SHISA9: variants seen among roughly 807,000 people sequenced by gnomAD.
The protein encoded by SHISA9 is protein shisa-9.
In SHISA9, 13 loss-of-function variants were observed where a neutral mutation model predicts 38.0. That is an observed-to-expected ratio of 0.34 (90% CI 0.22 to 0.54). The LOEUF (loss-of-function observed/expected upper bound fraction) is 0.54. Among genes scored for constraint, SHISA9 ranks in the 20% least tolerant of loss-of-function variants. SHISA9 has a pLI of 0.91. For synonymous variants in SHISA9, 275 were observed against 242.0 expected, an observed-to-expected ratio of 1.14 and a Z score of -1.27; for missense variants, 538 against 575.8, an observed-to-expected ratio of 0.93 and a Z score of 0.67.
At chr16:13,298,779 G>A in the SHISA9 span, among the ~76,000 whole-genome samples, 1 of 152,208 alleles carries the variant, frequency 6.6e-6, no homozygotes, top group African/African-American at 2.4e-5. Flanking sequence ...TAGGCCCTAA[G>A]GAAGGAGGGC....
the SHISA9 span, among the ~76,000 whole-genome samples, chr16:13,266,697 C>A: frequency 6.6e-6 from 1 of 152,038 alleles, no homozygotes; most frequent in Non-Finnish European, 1.5e-5. Flanking sequence ...CTCTGGGGAC[C>A]CTGCTGGAGG....
chr16:13,263,369 T>G, the SHISA9 span, among the ~76,000 whole-genome samples: 1 of 151,904 alleles, frequency 6.6e-6, no homozygotes, highest in South Asian at 2.1e-4. Flanking sequence ...CGGGGCGGAG[T>G]TCTCATGAAT....
intron 4 of SHISA9, among the ~76,000 whole-genome samples, chr16:13,224,347 G>C (rs2051258288): frequency 6.6e-6 from 1 of 152,152 alleles, no homozygotes; most frequent in African/African-American, 2.4e-5. Flanking sequence ...CAGGAAAATG[G>C]ATCCTAGTTC....
At chr16:13,454,521 G>A in the SHISA9 span, among the ~76,000 whole-genome samples, 2 of 152,156 alleles carry the variant, frequency 1.3e-5, no homozygotes, top group Non-Finnish European at 2.9e-5. Context: ...AATTCTATAG[G>A]TTGGTACCAT....
intron 1 of SHISA9, among the ~76,000 whole-genome samples, chr16:12,915,243 T>C (rs922713489): frequency 4.6e-5 from 7 of 152,160 alleles, no homozygotes; most frequent in African/African-American, 1.4e-4. Context: ...GGAGAATCTC[T>C]TGAGGCCAGG....
In SHISA9 at chr16:13,235,565, G is replaced by A. The variant is rs1000364904; in HGVS notation, c.*156G>A. 12 of 981,670 alleles carry A rather than the reference G, an allele frequency of 1.2e-5. No homozygotes were observed. Among genetic ancestry groups the A allele is most frequent in the South Asian group, 3.6e-5 (2 of 55,162 alleles). The allele number at this position is 981,670 out of a possible 1,614,324, so 60.8% of individuals were successfully genotyped here. On this transcript the variant is annotated 3_prime_UTR_variant, in exon 5 of 5. Transcript: ENST00000558583. The stretch of plus-strand genomic sequence containing the variant: ...AAACCTACTGGGGACACAGAGTCGC[G>A]CTTTTCCTAGGTCATGCCTGTAACG...
chr16:13,349,389 G>T, the SHISA9 span, among the ~76,000 whole-genome samples: 1 of 152,222 alleles, frequency 6.6e-6, no homozygotes, highest in South Asian at 2.1e-4. Context: ...AGTGATAGGG[G>T]ACAGACTCTA....
chr16:13,395,484 T>C, the SHISA9 span, among the ~76,000 whole-genome samples: 3 of 152,260 alleles, frequency 2.0e-5, no homozygotes, highest in Non-Finnish European at 4.4e-5. Flanking sequence ...ATTAAGGGAC[T>C]GAGCCCTAAT....
rs1215708458 is a variant in SHISA9 at position 12,986,282 on chromosome 16, T to C, written c.691+69467T>C. 2.0e-5 allele frequency among the ~76,000 whole-genome samples: 3 copies of C among 152,258 alleles called. No individual in the cohort carries two copies. The East Asian group carries it at 5.8e-4, about 29-fold the overall frequency. On this transcript the variant is annotated intron_variant, in intron 2 of 4. Transcript: ENST00000558583. ...TGGACACAGGGAAAGGGTCTCCCTC[T>C]TTCTTTTCCTCTTTCCTTCCTTCCC...
At chr16:13,507,794 T>C in the SHISA9 span, among the ~76,000 whole-genome samples, 1 of 152,150 alleles carries the variant, frequency 6.6e-6, no homozygotes, top group African/African-American at 2.4e-5. Context: ...CCAAGCAAGA[T>C]TGTGCTCGTT....
chr16:13,066,971 A>G (rs1352695781), intron 2 of SHISA9, among the ~76,000 whole-genome samples: 5 of 152,146 alleles, frequency 3.3e-5, no homozygotes, highest in African/African-American at 9.7e-5. Flanking sequence ...AAGTATTTCT[A>G]CTGTATTGGG....
At position 13,074,789 on chromosome 16, in the gene SHISA9, C is replaced by T. The variant is rs1039705680; in HGVS notation, c.692-128605C>T. ...GATAGATTCTCCTGCCTCAGCCTCC[C>T]GAGCAGCTGGGATTACAGGCACATG... On this transcript the variant is annotated intron_variant, in intron 2 of 4. Coordinates refer to ENST00000558583, the MANE Select transcript of SHISA9 (RefSeq NM_001145204.3). Among the ~76,000 whole-genome samples, 8 of 151,694 alleles carry T rather than the reference C, an allele frequency of 5.3e-5. 1 individual carries two copies. Among genetic ancestry groups the T allele is most frequent in the African/African-American group, 1.5e-4 (6 of 41,286 alleles).
chr16:13,283,530 GA>G, the SHISA9 span, among the ~76,000 whole-genome samples: 2 of 152,078 alleles, frequency 1.3e-5, no homozygotes, highest in African/African-American at 4.8e-5. Flanking sequence ...GAGAGAATGA[GA>G]GCCAAGCAAA....
chr16:13,141,715 G>T (rs1341369195), intron 2 of SHISA9, among the ~76,000 whole-genome samples: 3 of 152,116 alleles, frequency 2.0e-5, no homozygotes, highest in Non-Finnish European at 2.9e-5. Context: ...AAATAGTTTA[G>T]ATTTACAGAA....
chr16:13,270,922 G>C, the SHISA9 span, among the ~76,000 whole-genome samples: 1 of 152,170 alleles, frequency 6.6e-6, no homozygotes, highest in Non-Finnish European at 1.5e-5. Flanking sequence ...GATAAATTTT[G>C]AGCCATGGAA....
At chr16:13,078,219 C>G (rs2073606401) in intron 2 of SHISA9, among the ~76,000 whole-genome samples, 1 of 152,216 alleles carries the variant, frequency 6.6e-6, no homozygotes, top group African/African-American at 2.4e-5. Flanking sequence ...ACCAAAATCT[C>G]TAGATGCTCA....
Position 13,237,008 on chromosome 16 carries a change from G to A in SHISA9, c.*1599G>A, listed in dbSNP as rs1040608926. 3.3e-5 allele frequency: 5 copies of A among 152,182 alleles called. No individual in the cohort carries two copies. The highest frequency in any genetic ancestry group is 1.2e-4 in the African/African-American group (5 of 41,428). The allele number at this position is 152,182 out of a possible 1,614,324, so 9.4% of individuals were successfully genotyped here. On this transcript the variant is annotated 3_prime_UTR_variant, in exon 5 of 5. Coordinates refer to ENST00000558583, the MANE Select transcript of SHISA9 (RefSeq NM_001145204.3). The stretch of plus-strand genomic sequence containing the variant: ...GTGGAAGCCCAAAGAAGTGGATTGA[G>A]AGAGAAGAGATTTTTATCTAAGGTG...
At chr16:13,444,964 A>C in the SHISA9 span, among the ~76,000 whole-genome samples, 1 of 141,438 alleles carries the variant, frequency 7.1e-6, no homozygotes, top group Non-Finnish European at 1.5e-5. Context: ...GACCATGGGC[A>C]CACACCACCA....
At chr16:13,428,875 C>T in the SHISA9 span, among the ~76,000 whole-genome samples, 267 of 151,502 alleles carry the variant, frequency 1.8e-3, no homozygotes, top group African/African-American at 6.2e-3. Context: ...AAGTGATTCT[C>T]CTGCCTCAGC....
Sources: allele counts gnomAD v4.1 joint callset (sites outside exome capture counted in the v4.1 genomes callset), GRCh38; gene constraint gnomAD v4.1.1; transcripts MANE v1.5; gene names NCBI Gene and HGNC (gene_info 2026-07-23, HGNC 2026-07-21).